HIBCH: variants seen among roughly 807,000 people sequenced by gnomAD.
HIBCH encodes the protein 3-hydroxyisobutyryl-CoA hydrolase, mitochondrial.
A neutral mutation model predicts 58.2 loss-of-function variants in HIBCH; 50 were observed. The ratio of observed to expected loss-of-function variants is 0.86; its 90% CI spans 0.68 to 1.09. The LOEUF (loss-of-function observed/expected upper bound fraction) is 1.09. Ranked by LOEUF, HIBCH falls within the 50% of genes least tolerant of loss-of-function variation. The pLI is 0.00. For missense variants in HIBCH, 450 were observed against 449.7 expected (o/e 1.00, Z -0.01); for synonymous variants, 151 against 146.9 (o/e 1.03, Z -0.20).
At chr2:190,256,398 T>G (rs189674655) in intron 7 of HIBCH, among the ~76,000 whole-genome samples, 1 of 146,442 alleles carries the variant, frequency 6.8e-6, no homozygotes, top group African/African-American at 2.7e-5. Context: ...CTTGCCCCAG[T>G]AGTGGGAAAT....
intron 2 of HIBCH, among the ~76,000 whole-genome samples, chr2:190,301,881 ATCCTGT>A (rs1688272776): frequency 6.6e-6 from 1 of 152,144 alleles, no homozygotes; most frequent in African/African-American, 2.4e-5. Flanking sequence ...AAGAGTACTA[ATCCTGT>A]GACAGTGGGG....
chr2:190,237,790 AG>A (rs1341105205), intron 11 of HIBCH, among the ~76,000 whole-genome samples: 2 of 151,998 alleles, frequency 1.3e-5, no homozygotes, highest in African/African-American at 4.8e-5. Flanking sequence ...CTCATGTATT[AG>A]GTATTTCTCC....
chr2:190,311,882 G>A (rs1396954645), intron 1 of HIBCH, among the ~76,000 whole-genome samples: 3 of 152,144 alleles, frequency 2.0e-5, no homozygotes, highest in Non-Finnish European at 2.9e-5. Flanking sequence ...TGTTGGGCTA[G>A]GAATACAAAG....
intron 11 of HIBCH, among the ~76,000 whole-genome samples, chr2:190,240,260 CTTCTAGAGT>C (rs1321304750): frequency 6.6e-6 from 1 of 152,168 alleles, no homozygotes; most frequent in Non-Finnish European, 1.5e-5. Context: ...TTATCCATTT[CTTCTAGAGT>C]TTCTAGTTTA....
chr2:190,234,656 CCTGA>C (rs1012756474), intron 11 of HIBCH, among the ~76,000 whole-genome samples: 10 of 152,142 alleles, frequency 6.6e-5, no homozygotes, highest in South Asian at 2.1e-4. Flanking sequence ...TCAAGACCAG[CCTGA>C]CTAATATGGT....
rs1337575054 is a variant in HIBCH, at chr2:190,279,573, TCCTC to T, written c.438+8009_438+8012del. On this transcript the variant is annotated intron_variant, in intron 6 of 13. Coordinates refer to ENST00000359678, the MANE Select transcript of HIBCH (RefSeq NM_014362.4). The surrounding 1 kb of genome is among the most constrained non-coding windows in gnomAD (Gnocchi z 4.2). ...TAGAGGATCCTCTTCAAAGAGACTT[TCCTC>T]CCTGTCTAATTAGGAATAAATAGTA... Among the ~76,000 whole-genome samples the T allele has an allele frequency of 2.0e-5, 3 of 152,168 alleles. No homozygotes were observed. Among genetic ancestry groups the T allele is most frequent in the East Asian group, 1.9e-4 (1 of 5,192 alleles).
intron 7 of HIBCH, among the ~76,000 whole-genome samples, chr2:190,252,670 G>C (rs1439290427): frequency 1.3e-5 from 2 of 151,252 alleles, no homozygotes; most frequent in East Asian, 3.9e-4. Flanking sequence ...TTCCAAATCA[G>C]CACAGGAAAA....
intron 6 of HIBCH, among the ~76,000 whole-genome samples, chr2:190,274,749 C>G (rs1418119441): frequency 1.3e-5 from 2 of 152,236 alleles, no homozygotes; most frequent in East Asian, 1.9e-4. Flanking sequence ...AACTTCAACT[C>G]GAAAGGATGT....
chr2:190,288,440 A>C (rs1687883936), intron 5 of HIBCH, among the ~76,000 whole-genome samples: 1 of 150,860 alleles, frequency 6.6e-6, no homozygotes. Flanking sequence ...TCCATTCTAC[A>C]TATTATTTCT....
chr2:190,313,916 C>T (rs146840758), intron 1 of HIBCH, among the ~76,000 whole-genome samples: 334 of 152,226 alleles, frequency 2.2e-3, no homozygotes, highest in Non-Finnish European at 3.8e-3. Context: ...GTGTGAACTA[C>T]ACTACCCTAA....
intron 4 of HIBCH, 129 bp from the exon 5 acceptor site, chr2:190,290,614 G>A (rs906849173): frequency 2.9e-6 from 2 of 687,708 alleles, no homozygotes; most frequent in African/African-American, 1.8e-5. Flanking sequence ...TAAAAGTTTT[G>A]AAGTTGCCCC....
intron 11 of HIBCH, among the ~76,000 whole-genome samples, chr2:190,222,449 T>C (rs1559017715): frequency 1.3e-5 from 2 of 149,718 alleles, no homozygotes; most frequent in Middle Eastern, 3.5e-3. Flanking sequence ...GAAGAGAACA[T>C]TGCATCAAGT....
intron 6 of HIBCH, among the ~76,000 whole-genome samples, chr2:190,270,911 G>A (rs1687378776): frequency 6.6e-6 from 1 of 151,788 alleles, no homozygotes; most frequent in African/African-American, 2.4e-5. Context: ...GCACCAAACA[G>A]ATTTTTTTTA....
At chr2:190,200,004 G>A (rs1471477173), downstream of HIBCH, 2 of 1,614,066 alleles carry the variant, frequency 1.2e-6, no homozygotes, top group Non-Finnish European at 1.7e-6. Flanking sequence ...AAGAGGAAGT[G>A]AAGGAACCTC....
At position 190,212,178 on chromosome 2, in the gene HIBCH, T is replaced by C. The variant is rs550244194; in HGVS notation, c.1011+778A>G. ...CGTAGTACCTGCACATAATAAACAA[T>C]AGACGTCAGCTGCCATTTACATCCC... On this transcript the variant is annotated intron_variant, in intron 12 of 13. Transcript: ENST00000359678. 4.6e-5 allele frequency among the ~76,000 whole-genome samples: 7 copies of C among 152,312 alleles called. No individual in the cohort carries two copies. In the East Asian group the frequency reaches 7.7e-4, roughly 17 times the overall value.
chr2:190,227,753 A>C (rs960243023), intron 11 of HIBCH, among the ~76,000 whole-genome samples: 1 of 152,232 alleles, frequency 6.6e-6, no homozygotes, highest in Non-Finnish European at 1.5e-5. Flanking sequence ...AAAGGATATG[A>C]ACAGCCACTT....
rs1224628786 is a variant in HIBCH, at chr2:190,217,230, T to C, written c.892-4155A>G. Among the ~76,000 whole-genome samples, 1 of 152,132 alleles carries C rather than the reference T, an allele frequency of 6.6e-6. No individual in the cohort carries two copies. Among genetic ancestry groups the C allele is most frequent in the Non-Finnish European group, 1.5e-5 (1 of 68,016 alleles). Reference sequence around the variant, plus strand: ...TGCCTCACCTAACTCCAGCCTGTAATCCCAACACTTTCTGAGACTGAGGCA... The same window carrying C: ...TGCCTCACCTAACTCCAGCCTGTAACCCCAACACTTTCTGAGACTGAGGCA... On this transcript the variant is annotated intron_variant, in intron 11 of 13. Coordinates refer to ENST00000359678, the MANE Select transcript of HIBCH (RefSeq NM_014362.4). This position sits in a 1 kb window ranked among gnomAD's most constrained non-coding sequence, Gnocchi z 4.6.
intron 6 of HIBCH, among the ~76,000 whole-genome samples, chr2:190,272,650 G>GAAA (rs895944451): frequency 1.4e-5 from 2 of 143,884 alleles, no homozygotes; most frequent in African/African-American, 5.1e-5. Context: ...ATGGCCAAGG[G>GAAA]AAAAAAAAAA....
chr2:190,225,835 C>A (rs193084802), intron 11 of HIBCH, among the ~76,000 whole-genome samples: 91 of 152,258 alleles, frequency 6.0e-4, no homozygotes, highest in African/African-American at 2.1e-3. Context: ...AATTTTAGAC[C>A]AATATCCCTG....
Sources: gnomAD v4.1 joint callset for allele counts (sites outside exome capture counted in the v4.1 genomes callset) on GRCh38, gnomAD v4.1.1 for gene constraint, Gnocchi (gnomAD v3.1) non-coding constraint, MANE v1.5 for transcripts, NCBI Gene and HGNC (gene_info 2026-07-23, HGNC 2026-07-21) for gene names.